The following MAGI2 variants were observed in gnomAD, a reference collection of about 807,000 sequenced individuals.
MAGI2 encodes membrane associated guanylate kinase, WW and PDZ domain containing 2, also known as membrane-associated guanylate kinase, WW and PDZ domain-containing protein 2.
Under a neutral mutation model 133.3 loss-of-function variants are expected in MAGI2, and 35 were observed. That is an observed-to-expected ratio of 0.26 (90% CI 0.20 to 0.35). The LOEUF (loss-of-function observed/expected upper bound fraction) is 0.35, where lower values mean the gene tolerates loss of function less well. Ranked by LOEUF, MAGI2 falls within the 10% of genes least tolerant of loss-of-function variation. The probability of loss-of-function intolerance (pLI) is 1.00; values close to 1 mark genes in which losing one functional copy is unlikely to be tolerated. For missense variants in MAGI2, 1,636 were observed against 1,863.4 expected (o/e 0.88, Z 2.25); for synonymous variants, 729 against 710.6 (o/e 1.03, Z -0.41).
chr7:79,243,453 G>A (rs1423320106), intron 1 of MAGI2, among the ~76,000 whole-genome samples: 1 of 152,154 alleles, frequency 6.6e-6, no homozygotes, highest in Admixed American at 6.5e-5. Context: ...TTATAATAAG[G>A]GCCAAAGGCG....
intron 3 of MAGI2, among the ~76,000 whole-genome samples, chr7:78,576,225 A>C (rs1229425935): frequency 6.6e-6 from 1 of 152,082 alleles, no homozygotes; most frequent in Non-Finnish European, 1.5e-5. Flanking sequence ...ACAGTTTAGA[A>C]CTTTTTCAAG....
chr7:78,377,353 G>A (rs934169603), intron 6 of MAGI2, among the ~76,000 whole-genome samples: 3 of 152,086 alleles, frequency 2.0e-5, no homozygotes, highest in African/African-American at 4.8e-5. Context: ...GAGGTAAGGT[G>A]GGAAAACAGA....
intron 20 of MAGI2, among the ~76,000 whole-genome samples, chr7:78,121,335 A>C (rs1342918046): frequency 6.6e-6 from 1 of 152,158 alleles, no homozygotes; most frequent in Non-Finnish European, 1.5e-5. Context: ...AGCTGGCATA[A>C]GATATCTGTA....
intron 2 of MAGI2, among the ~76,000 whole-genome samples, chr7:78,993,300 TAAC>T (rs921279806): frequency 9.2e-5 from 14 of 152,218 alleles, no homozygotes; most frequent in African/African-American, 2.9e-4. Flanking sequence ...TAAAATCTGA[TAAC>T]AATTATTTAT....
chr7:79,028,289 A>ATG (rs1810180805), intron 1 of MAGI2, among the ~76,000 whole-genome samples: 1 of 51,956 alleles, frequency 1.9e-5, no homozygotes, highest in African/African-American at 7.4e-5. Context: ...ATATATATAT[A>ATG]TATGTGTGTA....
intron 6 of MAGI2, among the ~76,000 whole-genome samples, chr7:78,466,364 C>T (rs1047297043): frequency 6.6e-6 from 1 of 152,168 alleles, no homozygotes; most frequent in South Asian, 2.1e-4. Flanking sequence ...CACTTGGGCA[C>T]AGGTGTGAAC....
chr7:79,203,140 C>T (rs1828756582), intron 1 of MAGI2, among the ~76,000 whole-genome samples: 1 of 151,966 alleles, frequency 6.6e-6, no homozygotes, highest in Non-Finnish European at 1.5e-5. Context: ...TCTAACTTCT[C>T]GATTTCTCAT....
intron 2 of MAGI2, among the ~76,000 whole-genome samples, chr7:78,996,592 G>A (rs887078415): frequency 3.3e-5 from 5 of 152,052 alleles, no homozygotes; most frequent in Admixed American, 1.3e-4. Context: ...GAAATAGACT[G>A]TACAACAAAC....
chr7:78,356,685 T>C (rs1304510073), intron 7 of MAGI2, among the ~76,000 whole-genome samples: 1 of 152,188 alleles, frequency 6.6e-6, no homozygotes, highest in Non-Finnish European at 1.5e-5. Context: ...CCTTGAGCGC[T>C]GGTGGGAACT....
chr7:79,150,140 G>A (rs552124019), intron 1 of MAGI2, among the ~76,000 whole-genome samples: 39 of 152,176 alleles, frequency 2.6e-4, no homozygotes, highest in Non-Finnish European at 3.7e-4. Flanking sequence ...CCACAATCAC[G>A]GTGGGGACAG....
intron 2 of MAGI2, among the ~76,000 whole-genome samples, chr7:79,003,143 A>C (rs955312592): frequency 6.6e-6 from 1 of 151,950 alleles, no homozygotes; most frequent in African/African-American, 2.4e-5. Flanking sequence ...GAGTGCAAGG[A>C]CCAACTTGTC....
At chr7:79,273,671 G>GTTGT (rs1835035867) in intron 1 of MAGI2, among the ~76,000 whole-genome samples, 2 of 150,854 alleles carry the variant, frequency 1.3e-5, no homozygotes, top group South Asian at 2.1e-4. Context: ...TGTTGTTGTT[G>GTTGT]TTTTTTCTGC....
chr7:79,153,919 A>G (rs1052303558), intron 1 of MAGI2, among the ~76,000 whole-genome samples: 1 of 152,222 alleles, frequency 6.6e-6, no homozygotes, highest in Non-Finnish European at 1.5e-5. Context: ...AAGAAACAGG[A>G]AAGTTAAATT....
chr7:78,587,668 A>G (rs1253639275), intron 3 of MAGI2, among the ~76,000 whole-genome samples: 1 of 152,244 alleles, frequency 6.6e-6, no homozygotes, highest in Non-Finnish European at 1.5e-5. Context: ...ATTACATTTT[A>G]CTGGCTAATG....
chr7:78,496,813 T>C (rs1563083678), intron 5 of MAGI2, among the ~76,000 whole-genome samples: 1 of 152,138 alleles, frequency 6.6e-6, no homozygotes, highest in East Asian at 1.9e-4. Context: ...ACAGTCTACA[T>C]CGCGTGAAAG....
chr7:78,638,752 A>G (rs1319252823), intron 2 of MAGI2, among the ~76,000 whole-genome samples: 1 of 152,242 alleles, frequency 6.6e-6, no homozygotes, highest in African/African-American at 2.4e-5. Context: ...GACTGGAAGA[A>G]GACAAATGAC....
intron 3 of MAGI2, among the ~76,000 whole-genome samples, chr7:78,522,675 C>T (rs543220051): frequency 1.2e-4 from 18 of 152,308 alleles, no homozygotes; most frequent in African/African-American, 3.4e-4. Flanking sequence ...CCACTGCATG[C>T]GGCTGTGAAC....
chr7:78,910,391 G>A (rs1798320393), intron 2 of MAGI2, among the ~76,000 whole-genome samples: 1 of 151,200 alleles, frequency 6.6e-6, no homozygotes, highest in South Asian at 2.1e-4. Flanking sequence ...AAAAACCTTA[G>A]GTAGTAATAT....
chr7:78,823,580 C>CAAAAA (rs1166858938), intron 2 of MAGI2, among the ~76,000 whole-genome samples: 11 of 91,846 alleles, frequency 1.2e-4, no homozygotes, highest in East Asian at 3.4e-4. Flanking sequence ...GACTCCGTCT[C>CAAAAA]AAAAAAAAAA....
Sources: gnomAD v4.1 joint callset for allele counts (sites outside exome capture counted in the v4.1 genomes callset) on GRCh38, gnomAD v4.1.1 for gene constraint, MANE v1.5 for transcripts, NCBI Gene and HGNC (gene_info 2026-07-23, HGNC 2026-07-21) for gene names.